Variants in NUP54 observed in about 807,000 individuals in gnomAD.
The protein encoded by NUP54 is nucleoporin p54.
NUP54 carries 27 observed loss-of-function variants against 66.4 expected under a neutral mutation model. The ratio of observed to expected loss-of-function variants is 0.41; its 90% CI spans 0.30 to 0.56. The LOEUF is 0.56. NUP54 is among the 20% of genes least tolerant of loss of function. NUP54 has a pLI of 0.34. For missense variants in NUP54, 486 were observed against 596.3 expected, an observed-to-expected ratio of 0.82 and a Z score of 1.93; for synonymous variants, 206 against 210.7, an observed-to-expected ratio of 0.98 and a Z score of 0.19.
intron 1 of NUP54, among the ~76,000 whole-genome samples, chr4:76,146,804 A>G (rs551418754): frequency 1.3e-5 from 2 of 152,356 alleles, no homozygotes; most frequent in East Asian, 3.8e-4. Context: ...GAAAATCTTC[A>G]TAATTATCTT....
chr4:76,147,791 G>T (rs959928821), intron 1 of NUP54: 2 of 463,940 alleles, frequency 4.3e-6, no homozygotes, highest in Admixed American at 3.7e-5. Context: ...AAAGCAGAGT[G>T]GGGGTGGGGT....
chr4:76,118,002 G>A lies in NUP54; in HGVS notation c.1284+73C>T, dbSNP rs375182485. 1.1e-4 allele frequency: 162 copies of A among 1,472,262 alleles called. No homozygotes were observed. The African/African-American group carries it at 1.8e-3, about 16-fold the overall frequency. The allele number at this position is 1,472,262 out of a possible 1,614,324, so 91.2% of individuals were successfully genotyped here. ...ACACAAGTATACAAAATTCCTGCTTGAAGATTACATAACTTTTTGTCTGCA... is the reference window on the plus strand; with the variant it reads ...ACACAAGTATACAAAATTCCTGCTTAAAGATTACATAACTTTTTGTCTGCA... On this transcript the variant is annotated intron_variant, in intron 10 of 11. Transcript: ENST00000264883.
rs1560679504 is a variant in NUP54 at position 76,125,789 on chromosome 4, GAGA to G, written c.1057-1036_1057-1034del. Among the ~76,000 whole-genome samples, 139 of 52,448 alleles carry G rather than the reference GAGA, an allele frequency of 2.7e-3. 5 individuals carry two copies. The highest frequency in any genetic ancestry group is 7.9e-3 in the East Asian group (8 of 1,014). The allele number at this position is 52,448 out of a possible 152,430, so 34.4% of individuals were successfully genotyped here. On this transcript the variant is annotated intron_variant, in intron 8 of 11. Coordinates refer to ENST00000264883, the MANE Select transcript of NUP54 (RefSeq NM_017426.4). Reference sequence around the variant, plus strand: ...AGGGGGAGAGAGGGAGAGAGGGGGAGAGAGGGAGAGGGAGAGAGAGGGAGAAGA... The same window carrying G: ...AGGGGGAGAGAGGGAGAGAGGGGGAGGGGAGAGGGAGAGAGAGGGAGAAGA...
At chr4:76,148,283 G>C in intron 1 of NUP54, 25 bp downstream of exon 1, 1 of 1,362,272 alleles carries the variant, frequency 7.3e-7, no homozygotes, top group Non-Finnish European at 9.6e-7. Context: ...TTCTTCCCGG[G>C]TGAAGGTCTA....
intron 7 of NUP54, 21 bp from the exon 8 acceptor site, chr4:76,130,770 AT>A (rs1560683779): frequency 1.3e-6 from 2 of 1,511,578 alleles, no homozygotes; most frequent in Non-Finnish European, 1.8e-6. Flanking sequence ...GCAGTGAACA[AT>A]TTTCAGACCT....
intron 3 of NUP54, among the ~76,000 whole-genome samples, chr4:76,138,425 T>C (rs1731129281): frequency 6.6e-6 from 1 of 152,212 alleles, no homozygotes; most frequent in Admixed American, 6.5e-5. Context: ...GACAACACAG[T>C]CTCTCTTGGT....
Position 76,124,700 on chromosome 4 carries a change from T to TTCCAA in NUP54, c.1112_1113insTTGGA (p.Lys371AsnfsTer22), listed in dbSNP as rs1194827543. On this transcript the variant is annotated frameshift_variant, in exon 9 of 12. Coordinates refer to ENST00000264883, the MANE Select transcript of NUP54 (RefSeq NM_017426.4). LOFTEE classifies it high-confidence loss of function. Reference sequence around the variant, plus strand: ...TGAGTTTCCTCTTGTATTGTGCAATTTTGGCTACAGATGTAGTTTGATTCT... The same window carrying TTCCAA: ...TGAGTTTCCTCTTGTATTGTGCAATTTCCAATTGGCTACAGATGTAGTTTGATTCT... The TTCCAA allele has an allele frequency of 4.4e-6, 7 of 1,606,912 alleles. No individual in the cohort carries two copies. In the Admixed American group the frequency reaches 1.2e-4, roughly 27 times the overall value.
At chr4:76,131,890 TAAGTA>T (rs1447368012) in intron 6 of NUP54, among the ~76,000 whole-genome samples, 4 of 152,096 alleles carry the variant, frequency 2.6e-5, no homozygotes, top group African/African-American at 9.7e-5. Flanking sequence ...TTAGAGGTGT[TAAGTA>T]AAGGTGTATC....
chr4:76,124,109 T>A (rs1730356306), intron 9 of NUP54, among the ~76,000 whole-genome samples: 1 of 152,188 alleles, frequency 6.6e-6, no homozygotes, highest in Non-Finnish European at 1.5e-5. Context: ...ACATTTGATT[T>A]TTTTAAATGA....
At chr4:76,137,185 C>G (rs1482072606) in intron 3 of NUP54, among the ~76,000 whole-genome samples, 2 of 152,104 alleles carry the variant, frequency 1.3e-5, no homozygotes, top group African/African-American at 4.8e-5. Context: ...TTTGTAGAGA[C>G]AGGGTCTTAC....
At position 76,140,682 on chromosome 4, in the gene NUP54, C is replaced by T. The variant is rs561269453; in HGVS notation, c.295+3467G>A. 1.2e-3 allele frequency among the ~76,000 whole-genome samples: 188 copies of T among 152,182 alleles called. 3 individuals are homozygous for T. The East Asian group carries it at 0.029, about 24-fold the overall frequency. On this transcript the variant is annotated intron_variant, in intron 3 of 11. Transcript: ENST00000264883. ...GGTTTAAAATTACTGCTATAGAAAG[C>T]AGGAGAATAAGTTGAAAGTAGAAAT...
In NUP54 at chr4:76,118,102, A is replaced by G; in HGVS notation, c.1257T>C (p.Gly419=). 1 of 1,614,080 alleles carries G rather than the reference A, an allele frequency of 6.2e-7. No individual in the cohort carries two copies. The highest frequency in any genetic ancestry group is 8.5e-7 in the Non-Finnish European group (1 of 1,179,952). ...TGAACTGAGTAGGTGCATTTAGTTC[A>G]CCCTGAATCGTATCCAGCTGAACTC... The part of the protein sequence containing the change: ...QLRVQLDTIQ[G]ELNAPTQFKG... The change falls in exon 10 of 12, where the codon GGT becomes GGC. Residue 419 remains glycine, a synonymous_variant. Coordinates refer to ENST00000264883, the MANE Select transcript of NUP54 (RefSeq NM_017426.4).
intron 9 of NUP54, among the ~76,000 whole-genome samples, chr4:76,118,819 A>G (rs952721173): frequency 1.7e-4 from 26 of 152,000 alleles, no homozygotes; most frequent in African/African-American, 4.8e-5. Context: ...CCTGGCTAAC[A>G]TGATGAAACC....
At chr4:76,134,453 G>A in intron 4 of NUP54, 91 bp from the exon 5 acceptor site, 3 of 1,041,290 alleles carry the variant, frequency 2.9e-6, no homozygotes, top group South Asian at 1.6e-5. Context: ...GCTAAAATGG[G>A]AAAAACAACT....
chr4:76,115,785 T>A (rs773141966), intron 11 of NUP54, among the ~76,000 whole-genome samples: 4 of 152,318 alleles, frequency 2.6e-5, no homozygotes, highest in Non-Finnish European at 4.4e-5. Context: ...AAAGGCATGA[T>A]AATAAAACAG....
intron 5 of NUP54, 132 bp from the exon 6 acceptor site, chr4:76,132,851 A>G (rs1730867054): frequency 1.4e-6 from 1 of 706,558 alleles, no homozygotes; most frequent in East Asian, 2.9e-5. Flanking sequence ...GAGGCAATTA[A>G]AATGTTTCCT....
intron 3 of NUP54, among the ~76,000 whole-genome samples, chr4:76,137,897 TTAAAA>T (rs1280391017): frequency 6.6e-6 from 1 of 152,234 alleles, no homozygotes. Flanking sequence ...AAATTTTACT[TTAAAA>T]TAACTGTATT....
At chr4:76,145,567 A>G in intron 1 of NUP54, 1 of 1,275,982 alleles carries the variant, frequency 7.8e-7, no homozygotes, top group Non-Finnish European at 1.0e-6. Context: ...CCAAACAACA[A>G]GAATGTGTTT....
chr4:76,126,002 A>G (rs1730523958), intron 8 of NUP54, among the ~76,000 whole-genome samples: 1 of 152,140 alleles, frequency 6.6e-6, no homozygotes, highest in African/African-American at 2.4e-5. Flanking sequence ...AAAAGTTAAG[A>G]TGTGTAAGAT....
Sources: allele counts gnomAD v4.1 joint callset (sites outside exome capture counted in the v4.1 genomes callset), GRCh38; gene constraint gnomAD v4.1.1; transcripts MANE v1.5; gene names NCBI Gene and HGNC (gene_info 2026-07-23, HGNC 2026-07-21).